USP20: variants seen among roughly 807,000 people sequenced by gnomAD.
The protein encoded by USP20 is ubiquitin carboxyl-terminal hydrolase 20.
Under a neutral mutation model 124.2 loss-of-function variants are expected in USP20, and 80 were observed. That is an observed-to-expected ratio of 0.64 (90% CI 0.54 to 0.78). The LOEUF is 0.78. Ranked by LOEUF, USP20 falls within the 30% of genes least tolerant of loss-of-function variation. The pLI is 0.00. For synonymous variants in USP20, 481 were observed against 512.3 expected, an observed-to-expected ratio of 0.94 and a Z score of 0.83; for missense variants, 1,043 against 1,244.4, an observed-to-expected ratio of 0.84 and a Z score of 2.44.
At position 129,839,303 on chromosome 9, in the gene USP20, T is replaced by A. The variant is rs547952901; in HGVS notation, c.-129+3804T>A. Among the ~76,000 whole-genome samples, 3 of 152,230 alleles carry A rather than the reference T, an allele frequency of 2.0e-5. No homozygotes were observed. The East Asian group carries it at 5.8e-4, about 29-fold the overall frequency. On this transcript the variant is annotated intron_variant, in intron 1 of 25. Transcript: ENST00000372429. The surrounding 1 kb of genome is among the most constrained non-coding windows in gnomAD (Gnocchi z 4.5). ...TGTGAGGGTCCAGTGAGGTCACATG[T>A]GAGAACACCAGACTAAGATGTTAGT...
intron 15 of USP20, among the ~76,000 whole-genome samples, chr9:129,872,128 A>G (rs958567576): frequency 6.6e-6 from 1 of 151,722 alleles, no homozygotes; most frequent in African/African-American, 2.4e-5. Flanking sequence ...TCTTTTGCCT[A>G]TTTTGTTTTT....
At position 129,868,865 on chromosome 9, in the gene USP20, C is replaced by T. The variant is rs767913245; in HGVS notation, c.1139C>T (p.Pro380Leu). 37 of 1,562,032 alleles carry T rather than the reference C, an allele frequency of 2.4e-5. No homozygotes were observed. The highest frequency in any genetic ancestry group is 5.9e-5 in the South Asian group (5 of 85,450). ...ATGGTACCCTCTCTGCCCCCAGAGC[C>T]GGACAATGATGCTCACCTACGCAGC... ...RSSSPCRTPEPDNDAHLRSSS... is the reference protein window; with the variant it reads ...RSSSPCRTPELDNDAHLRSSS... Residue 380 changes from proline to leucine, a missense_variant, in exon 12 of 26, where the codon CCG becomes CTG. Coordinates refer to ENST00000372429, the MANE Select transcript of USP20 (RefSeq NM_001110303.4).
chr9:129,873,587 C>T (rs2034239259), intron 16 of USP20, 72 bp downstream of exon 16: 2 of 1,612,928 alleles, frequency 1.2e-6, no homozygotes, highest in African/African-American at 2.7e-5. Flanking sequence ...TGGGTTCCTG[C>T]AGAGAGCCCC....
chr9:129,870,320 C>A, intron 14 of USP20, 133 bp from the exon 15 acceptor site: 2 of 913,108 alleles, frequency 2.2e-6, no homozygotes, highest in African/African-American at 1.7e-5. Context: ...CCCGACCCGC[C>A]GTGCCCGGCT....
rs192032578 is a variant in USP20 at position 129,859,833 on chromosome 9, G to A, written c.331-1104G>A. Among the ~76,000 whole-genome samples the A allele has an allele frequency of 2.2e-3, 331 of 152,252 alleles. 2 individuals carry two copies. Among genetic ancestry groups the A allele is most frequent in the African/African-American group, 7.6e-3 (314 of 41,566 alleles). On this transcript the variant is annotated intron_variant, in intron 6 of 25. Transcript: ENST00000372429. The stretch of plus-strand genomic sequence containing the variant: ...GAGGATCGCTTGAGCCCAGGAGTTT[G>A]AGACCAGCCTGGGCAACAGCGTGAG...
chr9:129,861,331 A>T (rs1179140287), intron 7 of USP20, among the ~76,000 whole-genome samples: 9 of 152,172 alleles, frequency 5.9e-5, no homozygotes, highest in Admixed American at 1.3e-4. Context: ...AAAGGAGTTC[A>T]TCTGTTTAAA....
At chr9:129,844,674 A>G (rs961370977) in intron 1 of USP20, among the ~76,000 whole-genome samples, 1 of 151,704 alleles carries the variant, frequency 6.6e-6, no homozygotes, top group Admixed American at 6.6e-5. Flanking sequence ...TGTAAATAAG[A>G]CTTACCAAAA....
intron 1 of USP20, among the ~76,000 whole-genome samples, chr9:129,845,885 A>G (rs1162415544): frequency 1.3e-5 from 2 of 152,084 alleles, no homozygotes; most frequent in Non-Finnish European, 2.9e-5. Context: ...TTTCACCAAA[A>G]TAAGAGTTTA....
Position 129,863,236 on chromosome 9 carries a change from A to T in USP20, c.548A>T (p.Asp183Val). 6.4e-7 allele frequency: 1 copy of T among 1,551,110 alleles called. No individual in the cohort carries two copies. Among genetic ancestry groups the T allele is most frequent in the East Asian group, 2.4e-5 (1 of 41,028 alleles). ...FLECGGLVRT[D>V]KKPALCKSYQ... The stretch of plus-strand genomic sequence containing the variant: ...GAGTGTGGCGGCCTGGTGCGCACAG[A>T]TAAGAAGCCAGCCCTGTGCAAGAGC... The change falls in exon 9 of 26, where the codon GAT becomes GTT. Residue 183 changes from aspartate to valine, a missense_variant. By Grantham distance (152) the Asp-to-Val change is radical (BLOSUM62 -3). Transcript: ENST00000372429.
At chr9:129,874,536 A>G in intron 17 of USP20, 40 bp from the exon 18 acceptor site, 5 of 1,607,440 alleles carry the variant, frequency 3.1e-6, no homozygotes, top group Non-Finnish European at 4.3e-6. Flanking sequence ...GGCCCGCATC[A>G]TTTCTTCCTA....
At chr9:129,862,006 T>A (rs2033573569) in intron 8 of USP20, among the ~76,000 whole-genome samples, 1 of 152,164 alleles carries the variant, frequency 6.6e-6, no homozygotes, top group Non-Finnish European at 1.5e-5. Flanking sequence ...AAGCATTGCA[T>A]GGTACAATCC....
chr9:129,859,008 T>A (rs1274249013), intron 6 of USP20, among the ~76,000 whole-genome samples: 1 of 152,020 alleles, frequency 6.6e-6, no homozygotes, highest in African/African-American at 2.4e-5. Flanking sequence ...GAATTCCAGG[T>A]AGTTGCTACA....
Position 129,856,374 on chromosome 9 carries a change from G to A in USP20, c.135+14G>A. 1 of 1,614,022 alleles carries A rather than the reference G, an allele frequency of 6.2e-7. No individual in the cohort carries two copies. Among genetic ancestry groups the A allele is most frequent in the South Asian group, 1.1e-5 (1 of 91,088 alleles). On this transcript the variant is annotated intron_variant, in intron 4 of 25. Transcript: ENST00000372429. ...GCCTGTCTGCAGGTAAAAGACCCTT[G>A]TGGCCATCAGGGGTGTAGAGCTGCT...
intron 15 of USP20, among the ~76,000 whole-genome samples, 171 bp from the exon 16 acceptor site, chr9:129,873,311 T>C (rs1017775273): frequency 5.3e-5 from 8 of 152,082 alleles, no homozygotes. Flanking sequence ...CTCGAACTCC[T>C]GACCTCAGGG....
In USP20 at chr9:129,839,616, C is replaced by A. The variant is rs2032077970; in HGVS notation, c.-129+4117C>A. ...GGACTGTGGAGGGGGTGGGCACACACCCTGTGCGGGGCTGGGGGTGTGAGA... is the reference window on the plus strand; with the variant it reads ...GGACTGTGGAGGGGGTGGGCACACAACCTGTGCGGGGCTGGGGGTGTGAGA... On this transcript the variant is annotated intron_variant, in intron 1 of 25. Coordinates refer to ENST00000372429, the MANE Select transcript of USP20 (RefSeq NM_001110303.4). The surrounding 1 kb of genome is among the most constrained non-coding windows in gnomAD (Gnocchi z 4.5). 1.3e-5 allele frequency among the ~76,000 whole-genome samples: 2 copies of A among 151,856 alleles called. No homozygotes were observed. Among genetic ancestry groups the A allele is most frequent in the Admixed American group, 1.3e-4 (2 of 15,240 alleles).
rs1052489469 is a variant in USP20, at chr9:129,879,512, C to T, written c.2513-61C>T. ...GGCGGCCCCACTTGGGATGGCTCTG[C>T]TGCTGTGGAGGGTGGAGGGCATGGC... On this transcript the variant is annotated intron_variant, in intron 23 of 25. Transcript: ENST00000372429. The surrounding 1 kb of genome is among the most constrained non-coding windows in gnomAD (Gnocchi z 4.2). 11 of 1,582,118 alleles carry T rather than the reference C, an allele frequency of 7.0e-6. No individual in the cohort carries two copies. Among genetic ancestry groups the T allele is most frequent in the African/African-American group, 1.3e-5 (1 of 74,276 alleles).
intron 3 of USP20, among the ~76,000 whole-genome samples, chr9:129,854,805 G>T (rs187436147): frequency 3.1e-4 from 47 of 152,278 alleles, no homozygotes; most frequent in African/African-American, 1.0e-3. Context: ...ACCACAGAGT[G>T]CAGATCTCAG....
In USP20 at chr9:129,845,830, C is replaced by T. The variant is rs575455057; in HGVS notation, c.-128-3983C>T. The stretch of plus-strand genomic sequence containing the variant: ...AATAAAAATCACTTGACTCTATCCT[C>T]CAGAAAAGATGATAGCATCCTTTCT... On this transcript the variant is annotated intron_variant, in intron 1 of 25. Coordinates refer to ENST00000372429, the MANE Select transcript of USP20 (RefSeq NM_001110303.4). Among the ~76,000 whole-genome samples, 3 of 152,340 alleles carry T rather than the reference C, an allele frequency of 2.0e-5. No homozygotes were observed. In the East Asian group the frequency reaches 5.8e-4, roughly 29 times the overall value.
chr9:129,849,611 A>G (rs1437184991), intron 1 of USP20, among the ~76,000 whole-genome samples: 1 of 152,064 alleles, frequency 6.6e-6, no homozygotes, highest in East Asian at 1.9e-4. Context: ...AATTTTAAAT[A>G]AATTAGGTGG....
Sources: allele counts gnomAD v4.1 joint callset (sites outside exome capture counted in the v4.1 genomes callset), GRCh38; gene constraint gnomAD v4.1.1; non-coding constraint Gnocchi (gnomAD v3.1); transcripts MANE v1.5; gene names NCBI Gene and HGNC (gene_info 2026-07-23, HGNC 2026-07-21).